The following GAL3ST4 variants were observed in gnomAD, a reference collection of about 807,000 sequenced individuals.
GAL3ST4 encodes beta-galactose-3-O-sulfotransferase 4.
Under a neutral mutation model 31.6 loss-of-function variants are expected in GAL3ST4, and 30 were observed. The ratio of observed to expected loss-of-function variants is 0.95; its 90% CI spans 0.71 to 1.29. GAL3ST4 has a LOEUF of 1.29. GAL3ST4 is among the 50% of genes most tolerant of loss of function. GAL3ST4 has a pLI of 0.00. For missense variants in GAL3ST4, 629 were observed against 625.2 expected (o/e 1.01, Z -0.06); for synonymous variants, 248 against 256.9 (o/e 0.97, Z 0.33).
chr7:100,159,719 CAA>C lies in GAL3ST4; in HGVS notation c.*207_*208del, dbSNP rs374600359. 1,032 of 432,742 alleles carry C rather than the reference CAA, an allele frequency of 2.4e-3. No homozygotes were observed. The highest frequency in any genetic ancestry group is 3.7e-3 in the Middle Eastern group (6 of 1,630). 26.8% of individuals were successfully genotyped at this position (432,742 alleles called of 1,614,324 possible). ...TGGGGGACAGAGCAAGACTCCGTTTCAAAAAAAAAAAAAGTTGGGGGGAAAGA... is the reference window on the plus strand; with the variant it reads ...TGGGGGACAGAGCAAGACTCCGTTTCAAAAAAAAAAAGTTGGGGGGAAAGA... On this transcript the variant is annotated 3_prime_UTR_variant, in exon 4 of 4. Coordinates refer to ENST00000360039, the MANE Select transcript of GAL3ST4 (RefSeq NM_024637.5).
chr7:100,162,879 GA>G (rs937452412), intron 3 of GAL3ST4, among the ~76,000 whole-genome samples: 1 of 150,718 alleles, frequency 6.6e-6, no homozygotes, highest in African/African-American at 2.4e-5. Flanking sequence ...AAAAGGAAGG[GA>G]AAAAAAAGAA....
Position 100,160,593 on chromosome 7 carries a change from CAG to C in GAL3ST4, c.794_795del (p.Thr265SerfsTer3), listed in dbSNP as rs754570388. 1 of 1,613,788 alleles carries C rather than the reference CAG, an allele frequency of 6.2e-7. No homozygotes were observed. The highest frequency in any genetic ancestry group is 8.5e-7 in the Non-Finnish European group (1 of 1,180,038). ...GATATCTGGCTGCGATGATCAGTAA[CAG>C]TGGAAACAGGATGGATGAGGGCATT... ...NPNALIHPVSTVTDHRSQISS... is the reference protein window; with the variant it reads ...NPNALIHPVSXVTDHRSQISS... On this transcript the variant is annotated frameshift_variant, in exon 4 of 4. Transcript: ENST00000360039. LOFTEE classifies it high-confidence loss of function.
chr7:100,160,017 CAG>C lies in GAL3ST4; in HGVS notation c.1370_1371del (p.Pro457ArgfsTer37), dbSNP rs761575629. On this transcript the variant is annotated frameshift_variant, in exon 4 of 4. Coordinates refer to ENST00000360039, the MANE Select transcript of GAL3ST4 (RefSeq NM_024637.5). LOFTEE classifies it high-confidence loss of function. ...TCCAGCTTGTCCTTGTACTGGAGCT[CAG>C]GGGTAGCTAGGCGCTCACATTCCTC... is the stretch of plus-strand genomic sequence containing the variant. ...DQEECERLAT[P>X]ELQYKDKLDA... 1.2e-6 allele frequency: 2 copies of C among 1,613,954 alleles called. No homozygotes were observed. The highest frequency in any genetic ancestry group is 1.7e-6 in the Non-Finnish European group (2 of 1,179,988).
chr7:100,166,829 G>A lies in GAL3ST4; in HGVS notation c.126-24C>T, dbSNP rs376153318. ...GCCTGGGAAGAGATGGAGGGGGAGT[G>A]TCCTGTTCCTCAGCAGCAAATGGGT... On this transcript the variant is annotated intron_variant, in intron 2 of 3. Transcript: ENST00000360039. The A allele has an allele frequency of 7.6e-6, 12 of 1,575,576 alleles. 1 individual carries two copies. The East Asian group carries it at 1.4e-4, about 18-fold the overall frequency.
Position 100,163,380 on chromosome 7 carries a change from A to G in GAL3ST4, c.430-2421T>C, listed in dbSNP as rs560695772. 2.0e-5 allele frequency among the ~76,000 whole-genome samples: 3 copies of G among 152,098 alleles called. No individual in the cohort carries two copies. The East Asian group carries it at 5.8e-4, about 29-fold the overall frequency. ...CCTTGAAGGGTTTCTGCCTCCAAAAATGACTTCCATCATTGAATCTGACTT... is the reference window on the plus strand; with the variant it reads ...CCTTGAAGGGTTTCTGCCTCCAAAAGTGACTTCCATCATTGAATCTGACTT... On this transcript the variant is annotated intron_variant, in intron 3 of 3. Coordinates refer to ENST00000360039, the MANE Select transcript of GAL3ST4 (RefSeq NM_024637.5).
chr7:100,161,872 C>A (rs1799008616), intron 3 of GAL3ST4, among the ~76,000 whole-genome samples: 1 of 151,930 alleles, frequency 6.6e-6, no homozygotes, highest in African/African-American at 2.4e-5. Context: ...AACAGAAAAC[C>A]AAACACCATG....
chr7:100,167,287 G>A lies in GAL3ST4; in HGVS notation c.-188-4C>T. 1 of 1,371,096 alleles carries A rather than the reference G, an allele frequency of 7.3e-7. No individual in the cohort carries two copies. The highest frequency in any genetic ancestry group is 9.7e-7 in the Non-Finnish European group (1 of 1,032,330). 84.9% of individuals were successfully genotyped at this position (1,371,096 alleles called of 1,614,324 possible). ...AGATTTTTGCCTCTGTCAGCGTCTAGAAGGGAAATGAGGGGGGAAGAAGGG... is the reference window on the plus strand; with the variant it reads ...AGATTTTTGCCTCTGTCAGCGTCTAAAAGGGAAATGAGGGGGGAAGAAGGG... On this transcript the variant is annotated splice_polypyrimidine_tract_variant and splice_region_variant and intron_variant, in intron 1 of 3. Transcript: ENST00000360039.
rs2116966725 is a variant in GAL3ST4 at position 100,159,592 on chromosome 7, T to C, written c.*336A>G. On this transcript the variant is annotated 3_prime_UTR_variant, in exon 4 of 4. Coordinates refer to ENST00000360039, the MANE Select transcript of GAL3ST4 (RefSeq NM_024637.5). ...AAAATTAGCCGGGTATGGTGGCACG[T>C]ATCTGTAATCCTAGCTACTCTGGAG... 1 of 207,772 alleles carries C rather than the reference T, an allele frequency of 4.8e-6. No individual in the cohort carries two copies. Among genetic ancestry groups the C allele is most frequent in the Non-Finnish European group, 9.8e-6 (1 of 102,184 alleles). The allele number at this position is 207,772 out of a possible 1,614,324, so 12.9% of individuals were successfully genotyped here.
At chr7:100,166,399 G>T in intron 3 of GAL3ST4, 103 bp downstream of exon 3, 1 of 1,240,820 alleles carries the variant, frequency 8.1e-7, no homozygotes, top group Non-Finnish European at 1.1e-6. Context: ...ACTTTAGGGT[G>T]AGATGATGCC....
In GAL3ST4 at chr7:100,160,372, G is replaced by A; in HGVS notation, c.1017C>T (p.Gly339=). Residue 339 remains glycine (G), a synonymous_variant, in exon 4 of 4, where the codon GGC becomes GGT. Transcript: ENST00000360039. The stretch of plus-strand genomic sequence containing the variant: ...GTCCACTGTTGCTGACAGTGCTGAG[G>A]CCCTGCTTATGTCCAGCCTGGGCAT... ...MHNAQAGHKQ[G]LSTVSNSGLT... 1 of 1,614,064 alleles carries A rather than the reference G, an allele frequency of 6.2e-7. No individual in the cohort carries two copies.
At chr7:100,164,048 A>G (rs1799039329) in intron 3 of GAL3ST4, among the ~76,000 whole-genome samples, 1 of 152,196 alleles carries the variant, frequency 6.6e-6, no homozygotes, top group Non-Finnish European at 1.5e-5. Context: ...GTAGGTATTC[A>G]GTGAATGGTG....
intron 3 of GAL3ST4, among the ~76,000 whole-genome samples, chr7:100,164,650 C>T (rs1799046296): frequency 6.6e-6 from 1 of 151,890 alleles, no homozygotes. Context: ...AAGAGCAAGA[C>T]TCTGTCTCAA....
At position 100,160,171 on chromosome 7, in the gene GAL3ST4, A is replaced by G; in HGVS notation, c.1218T>C (p.His406=). 1 of 1,614,026 alleles carries G rather than the reference A, an allele frequency of 6.2e-7. No homozygotes were observed. Among genetic ancestry groups the G allele is most frequent in the Middle Eastern group, 1.7e-4 (1 of 6,060 alleles). The stretch of plus-strand genomic sequence containing the variant: ...CAGAAGCCTCACCCCCTACCAGACA[A>G]TGTTTCGCTAGGGCCTCTCGGCGAG... The part of the protein sequence containing the change: ...LRARREALAK[H]CLVGGEASDP... Residue 406 remains histidine (H), a synonymous_variant, in exon 4 of 4, where the codon CAT becomes CAC. Transcript: ENST00000360039.
chr7:100,162,918 A>G (rs903105281), intron 3 of GAL3ST4, among the ~76,000 whole-genome samples: 1 of 152,044 alleles, frequency 6.6e-6, no homozygotes, highest in Non-Finnish European at 1.5e-5. Context: ...GAAGGGAGGG[A>G]CGGAAACCTG....
chr7:100,167,860 T>G (rs1016067515), intron 1 of GAL3ST4: 1 of 152,356 alleles, frequency 6.6e-6, no homozygotes, highest in Non-Finnish European at 1.5e-5. Context: ...CAGACCCCCA[T>G]GTATGACAGG....
chr7:100,161,957 G>A (rs1460162977), intron 3 of GAL3ST4, among the ~76,000 whole-genome samples: 1 of 152,014 alleles, frequency 6.6e-6, no homozygotes, highest in African/African-American at 2.4e-5. Context: ...TCACACACTG[G>A]GGCCTGTCGG....
In GAL3ST4 at chr7:100,160,732, G is replaced by A. The variant is rs1311609738; in HGVS notation, c.657C>T (p.Pro219=). Residue 219 remains proline, a synonymous_variant, in exon 4 of 4, where the codon CCC becomes CCT. Coordinates refer to ENST00000360039, the MANE Select transcript of GAL3ST4 (RefSeq NM_024637.5). ...LLWFDFGLPF[P]PEKRAKRGNI... ...TCCCTCTCTTGGCCCTCTTCTCTGG[G>A]GGAAAGGGCAGGCCAAAGTCAAACC... 1 of 1,614,062 alleles carries A rather than the reference G, an allele frequency of 6.2e-7. No homozygotes were observed. The highest frequency in any genetic ancestry group is 1.1e-5 in the South Asian group (1 of 91,074).
At position 100,160,031 on chromosome 7, in the gene GAL3ST4, C is replaced by T. The variant is rs144461733; in HGVS notation, c.1358G>A (p.Arg453His). Residue 453 changes from arginine to histidine, a missense_variant, in exon 4 of 4, where the codon CGC becomes CAC. Arg to His is a conservative substitution (Grantham distance 29, BLOSUM62 0). Transcript: ENST00000360039. ...LSPQDQEECE[R>H]LATPELQYKD... is the part of the protein sequence containing the mutation. ...GTACTGGAGCTCAGGGGTAGCTAGG[C>T]GCTCACATTCCTCTTGGTCTTGGGG... The T allele has an allele frequency of 1.0e-4, 161 of 1,613,904 alleles. No individual in the cohort carries two copies. In the Middle Eastern group the frequency reaches 1.5e-3, roughly 15 times the overall value.
chr7:100,166,204 G>C (rs1009754277), intron 3 of GAL3ST4, among the ~76,000 whole-genome samples: 1 of 152,176 alleles, frequency 6.6e-6, no homozygotes, highest in Admixed American at 6.5e-5. Context: ...GGGGCACCTG[G>C]AGGGAGAGTT....
Sources: allele counts gnomAD v4.1 joint callset (sites outside exome capture counted in the v4.1 genomes callset), GRCh38; gene constraint gnomAD v4.1.1; transcripts MANE v1.5; gene names NCBI Gene and HGNC (gene_info 2026-07-23, HGNC 2026-07-21).